Variants in ME1 observed in about 807,000 individuals in gnomAD.
The protein encoded by ME1 is NADP-dependent malic enzyme.
A neutral mutation model predicts 66.4 loss-of-function variants in ME1; 74 were observed. The ratio of observed to expected loss-of-function variants is 1.11; its 90% CI spans 0.92 to 1.35. ME1 has a LOEUF of 1.35. Among genes scored for constraint, ME1 ranks in the 40% most tolerant of loss-of-function variants. The pLI, the probability that ME1 is intolerant of heterozygous loss-of-function variation, is 0.00. For missense variants in ME1, 750 were observed against 694.1 expected, an observed-to-expected ratio of 1.08 and a Z score of -0.90; for synonymous variants, 251 against 235.6, an observed-to-expected ratio of 1.07 and a Z score of -0.60.
chr6:83,361,344 C>A (rs558964906), intron 3 of ME1, among the ~76,000 whole-genome samples: 1 of 152,320 alleles, frequency 6.6e-6, no homozygotes, highest in African/African-American at 2.4e-5. Context: ...AGGCACAATG[C>A]CTAGTAGGCC....
rs753942474 is a variant in ME1 at position 83,313,628 on chromosome 6, C to A, written c.704+1682G>T. Among the ~76,000 whole-genome samples, 5 of 152,210 alleles carry A rather than the reference C, an allele frequency of 3.3e-5. No homozygotes were observed. The East Asian group carries it at 9.6e-4, about 29-fold the overall frequency. ...TTTCCTTTCCTCTTATATAGCCTTA[C>A]GGTATTATCTATACAATCTCTTGAT... On this transcript the variant is annotated intron_variant, in intron 6 of 13. Coordinates refer to ENST00000369705, the MANE Select transcript of ME1 (RefSeq NM_002395.6).
chr6:83,233,632 T>C (rs981095881), intron 9 of ME1, among the ~76,000 whole-genome samples: 28 of 152,116 alleles, frequency 1.8e-4, no homozygotes, highest in African/African-American at 6.7e-4. Context: ...TGACATGGTG[T>C]TTTTAAAAAG....
intron 5 of ME1, among the ~76,000 whole-genome samples, chr6:83,331,070 C>G (rs756847909): frequency 6.6e-6 from 1 of 152,148 alleles, no homozygotes; most frequent in Non-Finnish European, 1.5e-5. Context: ...GTTTAATAAG[C>G]AAAGAATACG....
intron 3 of ME1, among the ~76,000 whole-genome samples, chr6:83,390,117 C>G (rs1257150315): frequency 6.6e-6 from 1 of 151,940 alleles, no homozygotes. Context: ...GGATACCTAG[C>G]CAGATTTTAA....
At chr6:83,406,052 T>C (rs1769937772) in intron 2 of ME1, among the ~76,000 whole-genome samples, 1 of 152,216 alleles carries the variant, frequency 6.6e-6, no homozygotes, top group Non-Finnish European at 1.5e-5. Flanking sequence ...ATGTTTAATT[T>C]TGTCAAAGGC....
At chr6:83,388,207 C>A (rs1769551445) in intron 3 of ME1, among the ~76,000 whole-genome samples, 1 of 151,250 alleles carries the variant, frequency 6.6e-6, no homozygotes, top group Non-Finnish European at 1.5e-5. Context: ...CCCACCTCAG[C>A]CCCCTGAGTA....
chr6:83,357,965 A>C (rs1466535989), intron 3 of ME1, among the ~76,000 whole-genome samples: 6 of 121,130 alleles, frequency 5.0e-5, no homozygotes, highest in South Asian at 2.6e-4. Flanking sequence ...ATATATATAT[A>C]TATATATATT....
chr6:83,252,854 C>T (rs190719291), intron 7 of ME1, among the ~76,000 whole-genome samples: 1 of 152,244 alleles, frequency 6.6e-6, no homozygotes, highest in East Asian at 1.9e-4. Context: ...GCAGAATGCC[C>T]TGACATGGAA....
At chr6:83,294,766 CT>C (rs1767563796) in intron 6 of ME1, among the ~76,000 whole-genome samples, 1 of 152,078 alleles carries the variant, frequency 6.6e-6, no homozygotes, top group Non-Finnish European at 1.5e-5. Context: ...TTCCCCCCGA[CT>C]CCCCCTGCTC....
At chr6:83,229,255 T>C in intron 9 of ME1, 1 of 426,814 alleles carries the variant, frequency 2.3e-6, no homozygotes, top group Non-Finnish European at 4.5e-6. Flanking sequence ...TTTAAATAAT[T>C]ATATTGTTCG....
intron 6 of ME1, among the ~76,000 whole-genome samples, chr6:83,302,464 A>G (rs1341970268): frequency 6.6e-6 from 1 of 152,188 alleles, no homozygotes; most frequent in Non-Finnish European, 1.5e-5. Flanking sequence ...AATTAAAGTT[A>G]TTAAAAAGAA....
chr6:83,332,633 A>G (rs527683945), intron 5 of ME1, among the ~76,000 whole-genome samples: 133 of 152,318 alleles, frequency 8.7e-4, no homozygotes, highest in African/African-American at 3.1e-3. Context: ...GAGGCTATTA[A>G]CCTAAATGAA....
At chr6:83,218,402 C>A (rs1790030225) in intron 12 of ME1, among the ~76,000 whole-genome samples, 1 of 152,186 alleles carries the variant, frequency 6.6e-6, no homozygotes, top group Non-Finnish European at 1.5e-5. Flanking sequence ...GACTGGGGGG[C>A]ATTCTTTTCC....
intron 3 of ME1, among the ~76,000 whole-genome samples, chr6:83,367,160 G>A (rs576356818): frequency 1.9e-4 from 29 of 152,220 alleles, no homozygotes; most frequent in African/African-American, 6.3e-4. Context: ...GTAATATTTT[G>A]AAAATAATCT....
At chr6:83,317,493 G>A (rs1038304468) in intron 5 of ME1, among the ~76,000 whole-genome samples, 1 of 151,694 alleles carries the variant, frequency 6.6e-6, no homozygotes, top group Non-Finnish European at 1.5e-5. Context: ...AGGAATGCTT[G>A]TGATTTTTGC....
At chr6:83,276,789 T>C (rs1767189960) in intron 6 of ME1, among the ~76,000 whole-genome samples, 1 of 152,146 alleles carries the variant, frequency 6.6e-6, no homozygotes, top group Non-Finnish European at 1.5e-5. Context: ...ATTTTAAAGG[T>C]CATAGAACGA....
intron 6 of ME1, among the ~76,000 whole-genome samples, chr6:83,268,224 T>C (rs1359955454): frequency 6.6e-6 from 1 of 152,124 alleles, no homozygotes; most frequent in East Asian, 1.9e-4. Context: ...GGACAAATCC[T>C]ATAAAGAAAA....
chr6:83,245,654 T>C (rs1221379100), intron 7 of ME1, among the ~76,000 whole-genome samples: 1 of 152,158 alleles, frequency 6.6e-6, no homozygotes, highest in Non-Finnish European at 1.5e-5. Context: ...GTGATCCACC[T>C]GCCTTGGCAT....
intron 6 of ME1, among the ~76,000 whole-genome samples, chr6:83,307,114 T>A (rs894941052): frequency 1.3e-5 from 2 of 152,038 alleles, no homozygotes; most frequent in African/African-American, 4.8e-5. Context: ...GAAGTATACA[T>A]CCACTTTAAA....
Sources: gnomAD v4.1 joint callset for allele counts (sites outside exome capture counted in the v4.1 genomes callset) on GRCh38, gnomAD v4.1.1 for gene constraint, MANE v1.5 for transcripts, NCBI Gene and HGNC (gene_info 2026-07-23, HGNC 2026-07-21) for gene names.